The following KLF15 variants were observed in gnomAD, a reference collection of about 807,000 sequenced individuals.
KLF15 encodes the protein Krueppel-like factor 15.
In KLF15, 4 loss-of-function variants were observed where a neutral mutation model predicts 24.6. The observed-to-expected ratio is 0.16, with a 90% CI of 0.08 to 0.37. The LOEUF (loss-of-function observed/expected upper bound fraction) is 0.37, where lower values mean the gene tolerates loss of function less well. KLF15 is among the 10% of genes least tolerant of loss of function. The probability of loss-of-function intolerance (pLI) is 1.00; values close to 1 mark genes in which losing one functional copy is unlikely to be tolerated. For missense variants in KLF15, 496 were observed against 560.6 expected (o/e 0.88, Z 1.16); for synonymous variants, 246 against 236.3 (o/e 1.04, Z -0.37).
the KLF15 span, among the ~76,000 whole-genome samples, chr3:126,335,687 C>A: frequency 2.1e-5 from 3 of 140,266 alleles, 1 homozygote; most frequent in African/African-American, 8.1e-5. Flanking sequence ...ATCGTCTCAG[C>A]CCAAAATCTC....
the KLF15 span, among the ~76,000 whole-genome samples, chr3:126,311,165 T>C: frequency 6.6e-6 from 1 of 152,214 alleles, no homozygotes; most frequent in African/African-American, 2.4e-5. Context: ...CAAGGCACGT[T>C]GGCCACTTCC....
chr3:126,340,411 G>A (rs1340809882), downstream of KLF15, among the ~76,000 whole-genome samples: 1 of 152,244 alleles, frequency 6.6e-6, no homozygotes, highest in Non-Finnish European at 1.5e-5. Context: ...GGGCATTGGA[G>A]GAGCAACAAG....
At chr3:126,291,000 T>C in the KLF15 span, 1 of 152,220 alleles carries the variant, frequency 6.6e-6, no homozygotes, top group Non-Finnish European at 1.5e-5. Flanking sequence ...TGAAACATTC[T>C]CCCACAACCA....
chr3:126,322,972 G>C, the KLF15 span, among the ~76,000 whole-genome samples: 6 of 150,082 alleles, frequency 4.0e-5, no homozygotes, highest in Non-Finnish European at 7.4e-5. Flanking sequence ...GACTCTGCAA[G>C]CCTGCTGTTA....
chr3:126,325,012 A>C, the KLF15 span, among the ~76,000 whole-genome samples: 10 of 98,770 alleles, frequency 1.0e-4, 1 homozygote, highest in East Asian at 2.3e-3. Context: ...TCCTGTGTCC[A>C]TGTGATCTCA....
chr3:126,319,628 T>C, the KLF15 span, among the ~76,000 whole-genome samples: 1 of 152,234 alleles, frequency 6.6e-6, no homozygotes, highest in South Asian at 2.1e-4. Context: ...GTTCATTTTC[T>C]TATTGTTGCA....
At chr3:126,335,980 G>T in the KLF15 span, among the ~76,000 whole-genome samples, 2 of 148,120 alleles carry the variant, frequency 1.4e-5, no homozygotes, top group South Asian at 4.4e-4. Context: ...AATCAATATC[G>T]TGAAAATGGC....
chr3:126,301,613 T>G, the KLF15 span, among the ~76,000 whole-genome samples: 2 of 110,442 alleles, frequency 1.8e-5, no homozygotes, highest in Non-Finnish European at 3.5e-5. Flanking sequence ...TCTTTTTCTT[T>G]TTTTTTTTTT....
the KLF15 span, among the ~76,000 whole-genome samples, chr3:126,297,021 A>G: frequency 6.6e-6 from 1 of 151,980 alleles, no homozygotes; most frequent in African/African-American, 2.4e-5. Flanking sequence ...CAATCCTCCC[A>G]CCTCAGCCTC....
At chr3:126,338,320 G>A (rs7620257), downstream of KLF15, among the ~76,000 whole-genome samples, 506 of 152,316 alleles carry the variant, frequency 3.3e-3, 3 homozygotes, top group African/African-American at 0.011. Context: ...CAGCATGACC[G>A]TCCACGCCTT....
chr3:126,297,337 GACCTA>G, the KLF15 span, among the ~76,000 whole-genome samples: 1 of 152,040 alleles, frequency 6.6e-6, no homozygotes, highest in Non-Finnish European at 1.5e-5. Flanking sequence ...TAAGCCTGTT[GACCTA>G]ACACTACTTT....
At chr3:126,296,411 G>A in the KLF15 span, among the ~76,000 whole-genome samples, 1 of 152,210 alleles carries the variant, frequency 6.6e-6, no homozygotes, top group African/African-American at 2.4e-5. Context: ...GTTTCACCAT[G>A]TTAGCCAGGA....
At chr3:126,332,139 C>T in the KLF15 span, among the ~76,000 whole-genome samples, 1 of 152,212 alleles carries the variant, frequency 6.6e-6, no homozygotes, top group Non-Finnish European at 1.5e-5. Context: ...AACAAAAAGA[C>T]AGCAGTAACC....
the KLF15 span, among the ~76,000 whole-genome samples, chr3:126,323,446 GTTATATATATATA>G: frequency 2.1e-5 from 1 of 47,048 alleles, no homozygotes; most frequent in Non-Finnish European, 3.8e-5. Flanking sequence ...ACATATATAT[GTTATATATATATA>G]TAACATATAT....
At chr3:126,350,279 G>A (rs1349304073) in intron 2 of KLF15, among the ~76,000 whole-genome samples, 3 of 152,198 alleles carry the variant, frequency 2.0e-5, no homozygotes, top group East Asian at 1.9e-4. Flanking sequence ...GCACCCACTC[G>A]GCAGGCCTAG....
rs545725609 is a variant in KLF15 at position 126,352,608 on chromosome 3, C to T, written c.315G>A (p.Trp105Ter). ...SIGASSGPVA[W>*]GPWRRAAAPV... is the part of the protein sequence containing the mutation. Reference sequence around the variant, plus strand: ...GGGCCGCTGCCCTTCGCCAGGGCCCCCAGGCCACGGGGCCACTGCTGGCCC... The same window carrying T: ...GGGCCGCTGCCCTTCGCCAGGGCCCTCAGGCCACGGGGCCACTGCTGGCCC... The change falls in exon 2 of 3, where the codon TGG (tryptophan) becomes TGA (stop). Residue 105 changes from tryptophan (W) to a stop codon, truncating the protein, a stop_gained. Coordinates refer to ENST00000296233, the MANE Select transcript of KLF15 (RefSeq NM_014079.4). LOFTEE classifies it high-confidence loss of function. 1 of 1,609,634 alleles carries T rather than the reference C, an allele frequency of 6.2e-7. No individual in the cohort carries two copies. Among genetic ancestry groups the T allele is most frequent in the Admixed American group, 1.7e-5 (1 of 59,592 alleles).
rs2082488501 is a variant in KLF15, at chr3:126,342,679, T to C, written c.*1048A>G. On this transcript the variant is annotated 3_prime_UTR_variant, in exon 3 of 3. Coordinates refer to ENST00000296233, the MANE Select transcript of KLF15 (RefSeq NM_014079.4). The stretch of plus-strand genomic sequence containing the variant: ...TATTGGCAAAGTAAATATATTTTTA[T>C]GAAGGACCAAAGAAAATATACGTAA... 6.6e-6 allele frequency: 1 copy of C among 152,620 alleles called. No homozygotes were observed. Among genetic ancestry groups the C allele is most frequent in the East Asian group, 1.9e-4 (1 of 5,188 alleles). The allele number at this position is 152,620 out of a possible 1,614,324, so 9.5% of individuals were successfully genotyped here. A position where few individuals can be genotyped will look rare whatever the true frequency, so the allele number is the denominator to read the frequency against.
the KLF15 span, among the ~76,000 whole-genome samples, chr3:126,311,396 G>A: frequency 0.041 from 6,266 of 152,302 alleles, 432 homozygotes; most frequent in African/African-American, 0.14. Flanking sequence ...GAATCCTGGA[G>A]GGGGCTGGAG....
chr3:126,294,303 AT>A, the KLF15 span, among the ~76,000 whole-genome samples: 1 of 152,080 alleles, frequency 6.6e-6, no homozygotes, highest in Non-Finnish European at 1.5e-5. Context: ...CTTTGTAACC[AT>A]TAAATATTCA....
Sources: gnomAD v4.1 joint callset for allele counts (sites outside exome capture counted in the v4.1 genomes callset) on GRCh38, gnomAD v4.1.1 for gene constraint, MANE v1.5 for transcripts, NCBI Gene and HGNC (gene_info 2026-07-23, HGNC 2026-07-21) for gene names.